The following AP1AR variants were observed in gnomAD, a reference collection of about 807,000 sequenced individuals.
AP1AR encodes adaptor related protein complex 1 associated regulatory protein.
In AP1AR, 29 loss-of-function variants were observed where a neutral mutation model predicts 46.3. The observed-to-expected ratio is 0.63, with a 90% confidence interval of 0.47 to 0.85. AP1AR has a LOEUF of 0.85. Ranked by LOEUF, AP1AR falls within the 40% of genes least tolerant of loss-of-function variation. The probability of loss-of-function intolerance (pLI) is 0.00; values close to 1 mark genes in which losing one functional copy is unlikely to be tolerated. For missense variants in AP1AR, 357 were observed against 356.3 expected (o/e 1.00, Z -0.02); for synonymous variants, 122 against 122.9 (o/e 0.99, Z 0.05).
chr4:112,268,178 C>A lies in AP1AR; in HGVS notation c.678C>A (p.Ser226=). Residue 226 remains serine, a synonymous_variant, in exon 10 of 10, where the codon TCC becomes TCA. Coordinates refer to ENST00000274000, the MANE Select transcript of AP1AR (RefSeq NM_018569.6). ...MNRMLPMRER[S]KTEEDILRAA... ...GAATGCTTCCAATGAGAGAACGTTC[C>A]AAAACAGAGGAAGACATTCTACGGG... 6.3e-7 allele frequency: 1 copy of A among 1,594,856 alleles called. No homozygotes were observed. Among genetic ancestry groups the A allele is most frequent in the African/African-American group, 1.4e-5 (1 of 74,072 alleles).
rs1324374626 is a variant in AP1AR, at chr4:112,270,571, G to A, written c.*2162G>A. ...TGTTAACTTGTTAATTGTTTACTTG[G>A]CTAAAACCTAATTGTTAAGCAGGAA... On this transcript the variant is annotated 3_prime_UTR_variant, in exon 10 of 10. Transcript: ENST00000274000. Among the ~76,000 whole-genome samples the A allele has an allele frequency of 6.6e-6, 1 of 152,172 alleles. No individual in the cohort carries two copies. The highest frequency in any genetic ancestry group is 1.5e-5 in the Non-Finnish European group (1 of 68,036).
intron 4 of AP1AR, among the ~76,000 whole-genome samples, chr4:112,258,212 T>C (rs9992555): frequency 0.58 from 87,878 of 152,078 alleles, 26,404 homozygotes; most frequent in African/African-American, 0.75. Flanking sequence ...TTTTAAATAT[T>C]TTATTAAAAT....
intron 1 of AP1AR, among the ~76,000 whole-genome samples, chr4:112,245,706 G>A (rs181134773): frequency 7.9e-5 from 12 of 152,108 alleles, no homozygotes; most frequent in African/African-American, 2.4e-4. Flanking sequence ...AATAAGCTTC[G>A]TTCCTGACCC....
At chr4:112,252,369 T>C (rs1424023970) in intron 1 of AP1AR, among the ~76,000 whole-genome samples, 1 of 152,208 alleles carries the variant, frequency 6.6e-6, no homozygotes, top group African/African-American at 2.4e-5. Context: ...TGGATCCCCA[T>C]TGTATGGCAG....
intron 8 of AP1AR, among the ~76,000 whole-genome samples, chr4:112,266,296 G>T (rs573344737): frequency 1.3e-5 from 2 of 151,180 alleles, no homozygotes; most frequent in African/African-American, 4.8e-5. Context: ...TTTTTGTGCC[G>T]CTTTGTAATT....
chr4:112,241,999 A>G (rs1288665881), intron 1 of AP1AR, among the ~76,000 whole-genome samples: 1 of 152,228 alleles, frequency 6.6e-6, no homozygotes, highest in Non-Finnish European at 1.5e-5. Flanking sequence ...ACATACAGGG[A>G]AAGACTTTCT....
rs934340692 is a variant in AP1AR, at chr4:112,272,725, T to C, written c.*4316T>C. Among the ~76,000 whole-genome samples, 6 of 152,224 alleles carry C rather than the reference T, an allele frequency of 3.9e-5. No individual in the cohort carries two copies. Among genetic ancestry groups the C allele is most frequent in the Non-Finnish European group, 7.3e-5 (5 of 68,040 alleles). On this transcript the variant is annotated 3_prime_UTR_variant, in exon 10 of 10. Transcript: ENST00000274000. The stretch of plus-strand genomic sequence containing the variant: ...TCTGCCTTAAATATAATTCTGTCTC[T>C]TGGCTGAATTCTTTCTCCCAAGAAG...
intron 1 of AP1AR, among the ~76,000 whole-genome samples, chr4:112,232,391 T>C (rs1446649154): frequency 6.6e-6 from 1 of 151,878 alleles, no homozygotes; most frequent in Non-Finnish European, 1.5e-5. Context: ...GGGGGCGGGG[T>C]GTCCCTCCTG....
chr4:112,268,305 A>G lies in AP1AR; in HGVS notation c.805A>G (p.Met269Val), dbSNP rs1726793935. The G allele has an allele frequency of 1.2e-6, 2 of 1,613,138 alleles. No homozygotes were observed. Among genetic ancestry groups the G allele is most frequent in the Admixed American group, 1.7e-5 (1 of 59,944 alleles). Residue 269 changes from methionine (M) to valine (V), a missense_variant, in exon 10 of 10, where the codon ATG becomes GTG. By Grantham distance (21) the Met-to-Val change is conservative. This residue lies in a region of AP1AR where 88 missense variants were observed against 132.7 expected (regional missense o/e 0.66). Coordinates refer to ENST00000274000, the MANE Select transcript of AP1AR (RefSeq NM_018569.6). ...GGAAAATGATTTTGTTAGTGCCGAAATGGATGATAATGGAAATTCCGAGTA... is the reference window on the plus strand; with the variant it reads ...GGAAAATGATTTTGTTAGTGCCGAAGTGGATGATAATGGAAATTCCGAGTA... ...EWENDFVSAE[M>V]DDNGNSEYSG...
At chr4:112,237,855 T>A (rs1725321221) in intron 1 of AP1AR, among the ~76,000 whole-genome samples, 1 of 152,206 alleles carries the variant, frequency 6.6e-6, no homozygotes, top group Admixed American at 6.5e-5. Flanking sequence ...TCCAAGCCCC[T>A]GAAACCATAT....
intron 1 of AP1AR, among the ~76,000 whole-genome samples, chr4:112,245,302 T>G (rs549158256): frequency 1.3e-5 from 2 of 152,274 alleles, no homozygotes; most frequent in Admixed American, 1.3e-4. Flanking sequence ...TATATAAAAT[T>G]AGCGCACTTT....
intron 3 of AP1AR, 48 bp downstream of exon 3, chr4:112,254,821 A>C (rs752982404): frequency 9.7e-7 from 1 of 1,034,262 alleles, no homozygotes; most frequent in Admixed American, 2.7e-5. Flanking sequence ...TTTTCTCATT[A>C]ATCGTCTCAT....
In AP1AR at chr4:112,263,100, A is replaced by G; in HGVS notation, c.381+14A>G. The stretch of plus-strand genomic sequence containing the variant: ...AAGCTCTTGGAGGTGAGGGGAAAAG[A>G]CCCCAGCATATATTAGGGTTGCTTT... On this transcript the variant is annotated intron_variant, in intron 6 of 9. Transcript: ENST00000274000. The G allele has an allele frequency of 1.9e-6, 3 of 1,598,326 alleles. No homozygotes were observed. Among genetic ancestry groups the G allele is most frequent in the Non-Finnish European group, 2.6e-6 (3 of 1,170,270 alleles).
chr4:112,236,764 T>C (rs1725259861), intron 1 of AP1AR, among the ~76,000 whole-genome samples: 1 of 152,216 alleles, frequency 6.6e-6, no homozygotes, highest in African/African-American at 2.4e-5. Flanking sequence ...TTCAAATGTA[T>C]GGCATACTGT....
chr4:112,240,190 T>C (rs62313752), intron 1 of AP1AR, among the ~76,000 whole-genome samples: 3,689 of 152,340 alleles, frequency 0.024, 74 homozygotes, highest in Middle Eastern at 0.037. Flanking sequence ...CTACCTCTTC[T>C]TTCTCCTTTT....
chr4:112,240,456 C>G (rs968216281), intron 1 of AP1AR, among the ~76,000 whole-genome samples: 2 of 152,238 alleles, frequency 1.3e-5, no homozygotes, highest in Non-Finnish European at 2.9e-5. Context: ...TAATGCTTGT[C>G]TGCTGCTCTC....
Position 112,253,400 on chromosome 4 carries a change from A to G in AP1AR, c.132+144A>G, listed in dbSNP as rs913436443. 4.6e-6 allele frequency: 3 copies of G among 657,362 alleles called. No homozygotes were observed. The African/African-American group carries it at 5.6e-5, about 12-fold the overall frequency. 40.7% of individuals were successfully genotyped at this position (657,362 alleles called of 1,614,324 possible). A position where few individuals can be genotyped will look rare whatever the true frequency, so the allele number is the denominator to read the frequency against. ...ATTATTCATGTTAGTGAAGATTGAA[A>G]GAGTTGGAGCAGTGAGGGAAGGAAT... On this transcript the variant is annotated intron_variant, in intron 2 of 9. Coordinates refer to ENST00000274000, the MANE Select transcript of AP1AR (RefSeq NM_018569.6).
At chr4:112,266,831 T>C (rs1217056942) in intron 9 of AP1AR, 115 bp downstream of exon 9, 1 of 1,004,222 alleles carries the variant, frequency 1.0e-6, no homozygotes, top group Non-Finnish European at 1.4e-6. Flanking sequence ...TGAAAAATCA[T>C]ATAAACACTT....
chr4:112,245,599 G>A lies in AP1AR; in HGVS notation c.84-7609G>A, dbSNP rs1578407022. ...GCTCAATAGCCCCTTGTGGCTAATG[G>A]TTATCATTACTGGACAGTGCAGATC... On this transcript the variant is annotated intron_variant, in intron 1 of 9. Coordinates refer to ENST00000274000, the MANE Select transcript of AP1AR (RefSeq NM_018569.6). Among the ~76,000 whole-genome samples the A allele has an allele frequency of 2.0e-5, 3 of 152,128 alleles. No homozygotes were observed. In the South Asian group the frequency reaches 6.2e-4, roughly 32 times the overall value.
Sources: gnomAD v4.1 joint callset for allele counts (sites outside exome capture counted in the v4.1 genomes callset) on GRCh38, gnomAD v4.1.1 for gene constraint, gnomAD v4.1.1 regional missense constraint, MANE v1.5 for transcripts, NCBI Gene and HGNC (gene_info 2026-07-23, HGNC 2026-07-21) for gene names.